CDH12: variants seen among roughly 807,000 people sequenced by gnomAD.
The protein encoded by CDH12 is cadherin-12.
CDH12 carries 41 observed loss-of-function variants against 74.1 expected under a neutral mutation model. The observed-to-expected ratio is 0.55, with a 90% confidence interval of 0.43 to 0.72. The LOEUF is 0.72. CDH12 is among the 30% of genes least tolerant of loss of function. The probability of loss-of-function intolerance (pLI) is 0.00; values close to 1 mark genes in which losing one functional copy is unlikely to be tolerated. For missense variants in CDH12, 945 were observed against 977.2 expected (o/e 0.97, Z 0.44); for synonymous variants, 399 against 355.0 (o/e 1.12, Z -1.39).
intron 5 of CDH12, among the ~76,000 whole-genome samples, chr5:22,037,708 A>G (rs116295975): frequency 0.026 from 3,919 of 152,274 alleles, 169 homozygotes; most frequent in African/African-American, 0.089. Context: ...GATGTCAGCA[A>G]GATGGCAGAT....
chr5:21,981,514 TG>T (rs1412322272), intron 5 of CDH12, among the ~76,000 whole-genome samples: 1 of 152,136 alleles, frequency 6.6e-6, no homozygotes, highest in Non-Finnish European at 1.5e-5. Context: ...TGTTTACAGT[TG>T]TTTTTTTGAC....
chr5:21,819,506 T>A (rs1299442391), intron 8 of CDH12, among the ~76,000 whole-genome samples: 2 of 152,030 alleles, frequency 1.3e-5, no homozygotes, highest in Non-Finnish European at 2.9e-5. Context: ...ATGAAGTATC[T>A]GAGGAACATC....
At chr5:22,733,575 C>A (rs1436915384) in intron 1 of CDH12, among the ~76,000 whole-genome samples, 1 of 151,534 alleles carries the variant, frequency 6.6e-6, no homozygotes, top group African/African-American at 2.4e-5. Context: ...CATATTTTTG[C>A]CAATATAAAA....
At chr5:21,870,621 T>C (rs1579870433) in intron 6 of CDH12, among the ~76,000 whole-genome samples, 1 of 152,318 alleles carries the variant, frequency 6.6e-6, no homozygotes, top group East Asian at 1.9e-4. Flanking sequence ...ATTATAACAA[T>C]AAGATCTGCT....
In CDH12 at chr5:22,169,779, A is replaced by G. The variant is rs191580213; in HGVS notation, c.-187+42719T>C. On this transcript the variant is annotated intron_variant, in intron 4 of 14. Coordinates refer to ENST00000382254, the MANE Select transcript of CDH12 (RefSeq NM_004061.5). ...TCTGTGTCACATGCTTATCCTTCTGAGTTACCTCTGTTTTATACATGAGAA... is the reference window on the plus strand; with the variant it reads ...TCTGTGTCACATGCTTATCCTTCTGGGTTACCTCTGTTTTATACATGAGAA... Among the ~76,000 whole-genome samples, 422 of 152,024 alleles carry G rather than the reference A, an allele frequency of 2.8e-3. 1 individual carries two copies. The highest frequency in any genetic ancestry group is 9.7e-3 in the African/African-American group (404 of 41,542).
At chr5:22,174,407 T>C (rs1481259640) in intron 4 of CDH12, among the ~76,000 whole-genome samples, 2 of 152,042 alleles carry the variant, frequency 1.3e-5, no homozygotes, top group Admixed American at 6.6e-5. Flanking sequence ...TGTCAACACA[T>C]TGATATAACA....
At chr5:22,525,742 TG>T (rs1185626828) in intron 1 of CDH12, among the ~76,000 whole-genome samples, 7 of 152,130 alleles carry the variant, frequency 4.6e-5, no homozygotes, top group Admixed American at 3.9e-4. Flanking sequence ...TTGTGGGTAC[TG>T]GGTAGGAAGG....
intron 3 of CDH12, among the ~76,000 whole-genome samples, chr5:22,261,610 A>G (rs763158945): frequency 6.6e-6 from 1 of 152,068 alleles, no homozygotes; most frequent in Non-Finnish European, 1.5e-5. Context: ...TTTCATACAA[A>G]TTAATGTAGC....
chr5:22,228,085 G>A (rs771720815), intron 3 of CDH12, among the ~76,000 whole-genome samples: 9 of 152,050 alleles, frequency 5.9e-5, no homozygotes, highest in Non-Finnish European at 1.0e-4. Context: ...TTTGTAAAAT[G>A]AGGATATATC....
chr5:22,270,281 C>G (rs1462058533), intron 3 of CDH12, among the ~76,000 whole-genome samples: 1 of 152,108 alleles, frequency 6.6e-6, no homozygotes, highest in African/African-American at 2.4e-5. Flanking sequence ...AGTTTATGCC[C>G]TGATACCATA....
intron 8 of CDH12, among the ~76,000 whole-genome samples, chr5:21,827,217 G>C (rs552366414): frequency 6.6e-6 from 1 of 152,266 alleles, no homozygotes; most frequent in African/African-American, 2.4e-5. Context: ...CAACCAAATA[G>C]ATACAATATT....
intron 1 of CDH12, among the ~76,000 whole-genome samples, chr5:22,671,567 G>C (rs1740899904): frequency 6.6e-6 from 1 of 152,038 alleles, no homozygotes; most frequent in Non-Finnish European, 1.5e-5. Flanking sequence ...AATTTCTTTG[G>C]ATGTTGCCAT....
intron 4 of CDH12, among the ~76,000 whole-genome samples, chr5:22,201,221 T>C (rs748986797): frequency 1.3e-4 from 20 of 152,114 alleles, no homozygotes; most frequent in Non-Finnish European, 2.2e-4. Context: ...ATTCACCATA[T>C]AAAGATGTGG....
intron 5 of CDH12, among the ~76,000 whole-genome samples, chr5:22,027,925 C>G (rs1738495052): frequency 6.6e-6 from 1 of 152,024 alleles, no homozygotes. Context: ...AATTTTGGAT[C>G]CTTCCTACTT....
intron 6 of CDH12, among the ~76,000 whole-genome samples, chr5:21,855,368 A>G (rs1364010953): frequency 6.6e-6 from 1 of 151,698 alleles, no homozygotes; most frequent in Non-Finnish European, 1.5e-5. Context: ...ATAGTGACAT[A>G]AGAAGACACC....
chr5:21,861,630 G>A (rs903421254), intron 6 of CDH12, among the ~76,000 whole-genome samples: 5 of 151,890 alleles, frequency 3.3e-5, no homozygotes, highest in African/African-American at 7.2e-5. Flanking sequence ...TCCTTTCAGC[G>A]GACACTTTGT....
At chr5:22,087,258 G>A (rs1257459395) in intron 4 of CDH12, among the ~76,000 whole-genome samples, 1 of 152,166 alleles carries the variant, frequency 6.6e-6, no homozygotes, top group East Asian at 1.9e-4. Flanking sequence ...CAGAAGAGGG[G>A]AAACTGGGAC....
At chr5:22,181,371 T>A (rs1367214712) in intron 4 of CDH12, among the ~76,000 whole-genome samples, 2 of 152,162 alleles carry the variant, frequency 1.3e-5, no homozygotes, top group African/African-American at 4.8e-5. Context: ...CTCAGCATTC[T>A]TCCCCATCCT....
At chr5:22,468,669 T>A (rs1745836275) in intron 2 of CDH12, among the ~76,000 whole-genome samples, 1 of 152,122 alleles carries the variant, frequency 6.6e-6, no homozygotes, top group Non-Finnish European at 1.5e-5. Flanking sequence ...CTATAAAACA[T>A]TTTTATCTTA....
Sources: gnomAD v4.1 joint callset for allele counts (sites outside exome capture counted in the v4.1 genomes callset) on GRCh38, gnomAD v4.1.1 for gene constraint, MANE v1.5 for transcripts, NCBI Gene and HGNC (gene_info 2026-07-23, HGNC 2026-07-21) for gene names.